Variants in ZNF770 observed in about 807,000 individuals in gnomAD.
ZNF770 encodes the protein zinc finger protein 770.
A neutral mutation model predicts 44.8 loss-of-function variants in ZNF770; 13 were observed. The observed-to-expected ratio is 0.29, with a 90% CI of 0.19 to 0.46. ZNF770 has a LOEUF of 0.46. Among genes scored for constraint, ZNF770 ranks in the 20% least tolerant of loss-of-function variants. The pLI, the probability that ZNF770 is intolerant of heterozygous loss-of-function variation, is 1.00. For missense variants in ZNF770, 681 were observed against 797.9 expected (o/e 0.85, Z 1.77); for synonymous variants, 304 against 271.8 (o/e 1.12, Z -1.17).
Position 34,982,025 on chromosome 15 carries a change from A to G in ZNF770, c.1410T>C (p.Thr470=), listed in dbSNP as rs2050405110. The part of the protein sequence containing the change: ...GFSVPRENIR[T]RHKICPCDKC... Reference sequence around the variant, plus strand: ...TGTCACAAGGACATATCTTATGTCTAGTACGTATGTTTTCCCTTGGAACTG... The same window carrying G: ...TGTCACAAGGACATATCTTATGTCTGGTACGTATGTTTTCCCTTGGAACTG... The change falls in exon 3 of 3, where the codon ACT becomes ACC. Residue 470 remains threonine, a synonymous_variant. Transcript: ENST00000356321. The G allele has an allele frequency of 6.2e-7, 1 of 1,613,598 alleles. No homozygotes were observed. Among genetic ancestry groups the G allele is most frequent in the African/African-American group, 1.3e-5 (1 of 74,942 alleles).
Position 34,981,889 on chromosome 15 carries a change from C to A in ZNF770, c.1546G>T (p.Ala516Ser). The change falls in exon 3 of 3, where the codon GCT becomes TCT. Residue 516 changes from alanine (A) to serine (S), a missense_variant. By Grantham distance (99) the Ala-to-Ser change is moderately conservative. This residue lies in a region of ZNF770 where 148 missense variants were observed against 191.0 expected (regional missense o/e 0.77). Transcript: ENST00000356321. ...GTCTGTTCATGTCTTTTTAAGTGAG[C>A]TGACTGTCTAAAAGATTTCCCACAA... ...NICGKSFRQS[A>S]HLKRHEQTHN... 9 of 1,613,918 alleles carry A rather than the reference C, an allele frequency of 5.6e-6. No individual in the cohort carries two copies. Among genetic ancestry groups the A allele is most frequent in the Non-Finnish European group, 6.8e-6 (8 of 1,179,980 alleles).
Position 34,981,959 on chromosome 15 carries a change from T to C in ZNF770, c.1476A>G (p.Arg492=), listed in dbSNP as rs1283169944. ...TCTGTCCAGTATGAATTAAATAGTGTCTTTTTAGTTTGGATATAGAAGGAA... is the reference window on the plus strand; with the variant it reads ...TCTGTCCAGTATGAATTAAATAGTGCCTTTTTAGTTTGGATATAGAAGGAA... The part of the protein sequence containing the change: ...KVFPSISKLK[R]HYLIHTGQRP... Residue 492 remains arginine (R), a synonymous_variant, in exon 3 of 3, where the codon AGA becomes AGG. Coordinates refer to ENST00000356321, the MANE Select transcript of ZNF770 (RefSeq NM_014106.4). The C allele has an allele frequency of 6.2e-7, 1 of 1,613,970 alleles. No homozygotes were observed. Among genetic ancestry groups the C allele is most frequent in the Non-Finnish European group, 8.5e-7 (1 of 1,179,982 alleles).
chr15:34,979,698 T>C lies in ZNF770; in HGVS notation c.*1661A>G, dbSNP rs2050388336. The stretch of plus-strand genomic sequence containing the variant: ...CTGTCAAAAGAAAGTTCTCAGTTTA[T>C]GATGCAAAACTTACAATTGTTCATT... On this transcript the variant is annotated 3_prime_UTR_variant, in exon 3 of 3. Coordinates refer to ENST00000356321, the MANE Select transcript of ZNF770 (RefSeq NM_014106.4). 1 of 448,258 alleles carries C rather than the reference T, an allele frequency of 2.2e-6. No individual in the cohort carries two copies. Among genetic ancestry groups the C allele is most frequent in the South Asian group, 1.6e-5 (1 of 62,946 alleles). 27.8% of individuals were successfully genotyped at this position (448,258 alleles called of 1,614,324 possible). A position where few individuals can be genotyped will look rare whatever the true frequency, so the allele number is the denominator to read the frequency against.
In ZNF770 at chr15:34,981,800, A is replaced by T. The variant is rs1678801503; in HGVS notation, c.1635T>A (p.Leu545=). ...TAACATTATTACCTGAATGATTAGA[A>T]AGATTGTTGAAGTTTCCAAATTCTA... ...CQVEFGNFNN[L]SNHSGNNVNY... is the part of the protein sequence containing the mutation. Residue 545 remains leucine, a synonymous_variant, in exon 3 of 3, where the codon CTT becomes CTA. Transcript: ENST00000356321. The T allele has an allele frequency of 1.2e-6, 2 of 1,614,102 alleles. No homozygotes were observed. The highest frequency in any genetic ancestry group is 1.1e-5 in the South Asian group (1 of 91,080).
chr15:34,983,884 T>A (rs2050418424), intron 2 of ZNF770, among the ~76,000 whole-genome samples: 1 of 152,154 alleles, frequency 6.6e-6, no homozygotes, highest in Non-Finnish European at 1.5e-5. Flanking sequence ...AATCAAAACA[T>A]AATACTAAAA....
chr15:34,987,520 A>C (rs2050442851), intron 2 of ZNF770, 37 bp downstream of exon 2: 1 of 152,260 alleles, frequency 6.6e-6, no homozygotes, highest in Admixed American at 6.5e-5. Context: ...AGAACAAGAT[A>C]CTCTACGTGA....
In ZNF770 at chr15:34,979,682, G is replaced by A; in HGVS notation, c.*1677C>T. The stretch of plus-strand genomic sequence containing the variant: ...CCCTCCCGCCTCCCCCCTGTCAAAA[G>A]AAAGTTCTCAGTTTATGATGCAAAA... On this transcript the variant is annotated 3_prime_UTR_variant, in exon 3 of 3. Coordinates refer to ENST00000356321, the MANE Select transcript of ZNF770 (RefSeq NM_014106.4). The A allele has an allele frequency of 6.8e-6, 3 of 443,994 alleles. No individual in the cohort carries two copies. Among genetic ancestry groups the A allele is most frequent in the Middle Eastern group, 6.6e-4 (2 of 3,050 alleles). 27.5% of individuals were successfully genotyped at this position (443,994 alleles called of 1,614,324 possible).
In ZNF770 at chr15:34,988,097, T is replaced by G. The variant is rs1595375715; in HGVS notation, c.-174+19A>C. ...AGGAACTGAGGTTGTGGAGCCCCCG[T>G]TCTTGGGTCCCCAGGCACCTTGGCG... is the stretch of plus-strand genomic sequence containing the variant. On this transcript the variant is annotated intron_variant, in intron 1 of 2. Transcript: ENST00000356321. 1 of 152,218 alleles carries G rather than the reference T, an allele frequency of 6.6e-6. No individual in the cohort carries two copies. The highest frequency in any genetic ancestry group is 1.5e-5 in the Non-Finnish European group (1 of 68,060). 9.4% of individuals were successfully genotyped at this position (152,218 alleles called of 1,614,324 possible).
intron 2 of ZNF770, among the ~76,000 whole-genome samples, chr15:34,984,168 A>G (rs1395840526): frequency 6.6e-6 from 1 of 152,192 alleles, no homozygotes; most frequent in African/African-American, 2.4e-5. Context: ...TGGATTGTCT[A>G]CCACCACAAG....
Position 34,982,480 on chromosome 15 carries a change from T to G in ZNF770, c.955A>C (p.Ser319Arg). The G allele has an allele frequency of 6.2e-7, 1 of 1,614,052 alleles. No individual in the cohort carries two copies. The highest frequency in any genetic ancestry group is 8.5e-7 in the Non-Finnish European group (1 of 1,179,970). Reference sequence around the variant, plus strand: ...TTGAACCTGCTTGGAATTTTGCCACTTCTAGCAGCAAAACAGCTGTGTTCA... The same window carrying G: ...TTGAACCTGCTTGGAATTTTGCCACGTCTAGCAGCAAAACAGCTGTGTTCA... ...LNEHSCFAAR[S>R]GKIPSRFKRS... Residue 319 changes from serine to arginine, a missense_variant, in exon 3 of 3, where the codon AGT becomes CGT. Transcript: ENST00000356321.
rs1449051996 is a variant in ZNF770, at chr15:34,978,626, T to G, written c.*2733A>C. The G allele has an allele frequency of 6.6e-6, 1 of 152,192 alleles. No homozygotes were observed. Among genetic ancestry groups the G allele is most frequent in the African/African-American group, 2.4e-5 (1 of 41,436 alleles). 9.4% of individuals were successfully genotyped at this position (152,192 alleles called of 1,614,324 possible). A position where few individuals can be genotyped will look rare whatever the true frequency, so the allele number is the denominator to read the frequency against. On this transcript the variant is annotated 3_prime_UTR_variant, in exon 3 of 3. Transcript: ENST00000356321. ...ACCAAAGTAATTGATTCAACAATAC[T>G]AACAGTTCTAGCATGCAACAAACCA...
At chr15:34,983,999 T>G (rs546097459) in intron 2 of ZNF770, among the ~76,000 whole-genome samples, 6 of 152,156 alleles carry the variant, frequency 3.9e-5, no homozygotes, top group Non-Finnish European at 7.3e-5. Flanking sequence ...TTAACATGAG[T>G]TATTCTCAAT....
Position 34,982,655 on chromosome 15 carries a change from A to G in ZNF770, c.780T>C (p.Pro260=). ...CACCCTGATTTGCATTTAACTTATT[A>G]GGCAGGGGGCGAGATTCTGTACGCC... ...KKRRTESRPL[P]NKLNANQGGF... is the part of the protein sequence containing the mutation. The change falls in exon 3 of 3, where the codon CCT becomes CCC. Residue 260 remains proline, a synonymous_variant. Transcript: ENST00000356321. 1 of 1,612,834 alleles carries G rather than the reference A, an allele frequency of 6.2e-7. No homozygotes were observed. Among genetic ancestry groups the G allele is most frequent in the Non-Finnish European group, 8.5e-7 (1 of 1,179,970 alleles).
chr15:34,986,982 G>A (rs1039358613), intron 2 of ZNF770, among the ~76,000 whole-genome samples: 2 of 152,266 alleles, frequency 1.3e-5, no homozygotes, highest in Admixed American at 6.5e-5. Flanking sequence ...CTTGGCCCTT[G>A]AGGCCAGTCA....
Position 34,979,374 on chromosome 15 carries a change from A to T in ZNF770, c.*1985T>A, listed in dbSNP as rs1343124883. 1 of 163,834 alleles carries T rather than the reference A, an allele frequency of 6.1e-6. No homozygotes were observed. Among genetic ancestry groups the T allele is most frequent in the Non-Finnish European group, 1.3e-5 (1 of 74,322 alleles). 10.1% of individuals were successfully genotyped at this position (163,834 alleles called of 1,614,324 possible). ...ATAAACTAGTTATTCCTTGCTTTTA[A>T]CAGATGAGTTCTTGACAAGTTTTGT... On this transcript the variant is annotated 3_prime_UTR_variant, in exon 3 of 3. Coordinates refer to ENST00000356321, the MANE Select transcript of ZNF770 (RefSeq NM_014106.4).
At chr15:34,985,926 A>G (rs1040405673) in intron 2 of ZNF770, among the ~76,000 whole-genome samples, 1 of 152,108 alleles carries the variant, frequency 6.6e-6, no homozygotes, top group Non-Finnish European at 1.5e-5. Context: ...ATAAATAAAA[A>G]TAGGGGATAA....
chr15:34,985,895 A>T (rs1337158205), intron 2 of ZNF770, among the ~76,000 whole-genome samples: 1 of 152,170 alleles, frequency 6.6e-6, no homozygotes, highest in African/African-American at 2.4e-5. Context: ...AGACTCTCAA[A>T]AAAAATTTAA....
intron 2 of ZNF770, among the ~76,000 whole-genome samples, chr15:34,986,141 G>C (rs181164447): frequency 6.6e-6 from 1 of 152,216 alleles, no homozygotes; most frequent in East Asian, 1.9e-4. Context: ...GGGGCCCATA[G>C]TATGAGACAA....
rs2140517813 is a variant in ZNF770 at position 34,978,660 on chromosome 15, CTAATGTT to C, written c.*2692_*2698del. ...TAGCATGCAACAAACCATCTACTAT[CTAATGTT>C]TAATCTTCTTAACATGTATATTTTC... On this transcript the variant is annotated 3_prime_UTR_variant, in exon 3 of 3. Coordinates refer to ENST00000356321, the MANE Select transcript of ZNF770 (RefSeq NM_014106.4). The C allele has an allele frequency of 6.6e-6, 1 of 152,208 alleles. No individual in the cohort carries two copies. The highest frequency in any genetic ancestry group is 1.9e-4 in the East Asian group (1 of 5,182). The allele number at this position is 152,208 out of a possible 1,614,324, so 9.4% of individuals were successfully genotyped here.
Sources: allele counts gnomAD v4.1 joint callset (sites outside exome capture counted in the v4.1 genomes callset), GRCh38; gene constraint gnomAD v4.1.1; regional missense constraint gnomAD v4.1.1; transcripts MANE v1.5; gene names NCBI Gene and HGNC (gene_info 2026-07-23, HGNC 2026-07-21).